The following STK32B variants were observed in gnomAD, a reference collection of about 807,000 sequenced individuals.
STK32B encodes the protein serine/threonine-protein kinase 32B.
Under a neutral mutation model 52.6 loss-of-function variants are expected in STK32B, and 43 were observed. The observed-to-expected ratio is 0.82, with a 90% CI of 0.64 to 1.05. The LOEUF is 1.05. Among genes scored for constraint, STK32B ranks in the 50% least tolerant of loss-of-function variants. The pLI, the probability that STK32B is intolerant of heterozygous loss-of-function variation, is 0.00. For synonymous variants in STK32B, 238 were observed against 204.3 expected (o/e 1.17, Z -1.41); for missense variants, 621 against 534.6 (o/e 1.16, Z -1.59).
intron 3 of STK32B, among the ~76,000 whole-genome samples, chr4:5,317,263 T>G (rs1207283395): frequency 3.9e-5 from 1 of 25,588 alleles, no homozygotes; most frequent in East Asian, 1.4e-3. Flanking sequence ...ACATATAACA[T>G]ATATATAATA....
chr4:5,051,930 G>A lies in STK32B; in HGVS notation c.52+15G>A. On this transcript the variant is annotated intron_variant, in intron 1 of 11. Transcript: ENST00000282908. Reference sequence around the variant, plus strand: ...GAATGAGGAAGGTAAGAGAGCGAGAGGTGCGAATTCCCGCTTCGCGGGGCA... The same window carrying A: ...GAATGAGGAAGGTAAGAGAGCGAGAAGTGCGAATTCCCGCTTCGCGGGGCA... 2 of 1,585,788 alleles carry A rather than the reference G, an allele frequency of 1.3e-6. No homozygotes were observed. The highest frequency in any genetic ancestry group is 1.7e-6 in the Non-Finnish European group (2 of 1,166,682).
intron 11 of STK32B, among the ~76,000 whole-genome samples, chr4:5,486,329 T>C (rs1387821131): frequency 6.6e-6 from 1 of 152,144 alleles, no homozygotes; most frequent in Non-Finnish European, 1.5e-5. Context: ...TGCAGTTTGA[T>C]TTCAGACTGC....
chr4:5,222,444 C>T (rs1723598639), intron 3 of STK32B, among the ~76,000 whole-genome samples: 1 of 152,112 alleles, frequency 6.6e-6, no homozygotes. Flanking sequence ...ATAGTGATTA[C>T]TAAGTGGTCA....
intron 1 of STK32B, among the ~76,000 whole-genome samples, chr4:5,052,297 G>T (rs1456320510): frequency 6.6e-6 from 1 of 152,126 alleles, no homozygotes; most frequent in South Asian, 2.1e-4. Flanking sequence ...TGACGGAGGT[G>T]GCCTGGAAGG....
intron 3 of STK32B, among the ~76,000 whole-genome samples, chr4:5,199,072 G>C (rs1671610938): frequency 6.6e-6 from 1 of 152,196 alleles, no homozygotes; most frequent in Non-Finnish European, 1.5e-5. Flanking sequence ...GGTTTTGCAT[G>C]TGGAGGTTAA....
chr4:5,206,937 C>T (rs1013568983), intron 3 of STK32B, among the ~76,000 whole-genome samples: 1 of 152,320 alleles, frequency 6.6e-6, no homozygotes, highest in African/African-American at 2.4e-5. Context: ...CCAGACTCAT[C>T]CTGTTCTTGA....
At chr4:5,492,216 G>C (rs1399021318) in intron 11 of STK32B, among the ~76,000 whole-genome samples, 5 of 152,286 alleles carry the variant, frequency 3.3e-5, no homozygotes, top group South Asian at 4.1e-4. Flanking sequence ...CATGAGCATG[G>C]AATGTTCTTC....
intron 3 of STK32B, among the ~76,000 whole-genome samples, chr4:5,218,887 C>T (rs1021914533): frequency 4.6e-5 from 7 of 152,196 alleles, no homozygotes; most frequent in Admixed American, 4.6e-4. Flanking sequence ...ACCGCCTGCT[C>T]CCCTTTGACT....
rs186396557 is a variant in STK32B, at chr4:5,421,342, G to A, written c.562+4408G>A. Among the ~76,000 whole-genome samples, 826 of 148,482 alleles carry A rather than the reference G, an allele frequency of 5.6e-3. 3 individuals carry two copies. The highest frequency in any genetic ancestry group is 0.011 in the Middle Eastern group (3 of 270). On this transcript the variant is annotated intron_variant, in intron 6 of 11. Transcript: ENST00000282908. ...CCTGACCTCGTGATCCACCAGCCTC[G>A]GCCTCCCAAAGTGCTGGGATTACAG... is the stretch of plus-strand genomic sequence containing the variant.
chr4:5,049,535 G>T (rs1025677866), upstream of STK32B, among the ~76,000 whole-genome samples: 11 of 152,166 alleles, frequency 7.2e-5, no homozygotes, highest in Non-Finnish European at 1.5e-4. Context: ...GGGTTCTCTG[G>T]GAGGCAGGGG....
At chr4:5,056,886 A>G (rs1320201813) in intron 1 of STK32B, among the ~76,000 whole-genome samples, 1 of 152,212 alleles carries the variant, frequency 6.6e-6, no homozygotes, top group Non-Finnish European at 1.5e-5. Context: ...AAAAAGGGCA[A>G]GTGGACGCTG....
At chr4:5,340,387 T>A (rs547483968) in intron 4 of STK32B, among the ~76,000 whole-genome samples, 7 of 152,286 alleles carry the variant, frequency 4.6e-5, no homozygotes, top group African/African-American at 1.4e-4. Flanking sequence ...TAATTAGGAA[T>A]TAGAACTAGG....
At chr4:5,438,223 C>T in intron 6 of STK32B, 1 of 817,036 alleles carries the variant, frequency 1.2e-6, no homozygotes, top group Non-Finnish European at 1.5e-6. Context: ...CAGGCACACA[C>T]TCTGGTGCAG....
intron 4 of STK32B, among the ~76,000 whole-genome samples, chr4:5,377,581 C>T (rs565735662): frequency 6.6e-6 from 1 of 152,280 alleles, no homozygotes; most frequent in South Asian, 2.1e-4. Flanking sequence ...CTCTATGTCC[C>T]GACCCCAATC....
chr4:5,476,978 G>A lies in STK32B; in HGVS notation c.1106+8908G>A, dbSNP rs374277514. On this transcript the variant is annotated intron_variant, in intron 11 of 11. Coordinates refer to ENST00000282908, the MANE Select transcript of STK32B (RefSeq NM_018401.3). ...CTTCCCCCTGCAACCCTCTAAGGAA[G>A]TGTGGCCCAGCCAACACCTTGATTT... Among the ~76,000 whole-genome samples, 257 of 152,146 alleles carry A rather than the reference G, an allele frequency of 1.7e-3. 1 individual carries two copies. Among genetic ancestry groups the A allele is most frequent in the African/African-American group, 5.9e-3 (244 of 41,494 alleles).
Position 5,319,295 on chromosome 4 carries a change from G to T in STK32B, c.261-11925G>T, listed in dbSNP as rs186240763. On this transcript the variant is annotated intron_variant, in intron 3 of 11. Transcript: ENST00000282908. ...GAGCCTGTACACTTCAAAAGGGTTTGTGTGCTCTCCTGAATAGGGCTCATC... is the reference window on the plus strand; with the variant it reads ...GAGCCTGTACACTTCAAAAGGGTTTTTGTGCTCTCCTGAATAGGGCTCATC... 2.0e-3 allele frequency among the ~76,000 whole-genome samples: 304 copies of T among 152,278 alleles called. 3 individuals are homozygous for T. Among genetic ancestry groups the T allele is most frequent in the African/African-American group, 7.0e-3 (292 of 41,546 alleles).
rs140029855 is a variant in STK32B, at chr4:5,081,609, A to G, written c.52+29694A>G. ...TTTCTCCTCTGAATGGATAATTTCA[A>G]AAGACCTTTCATCTAGCTCAAAGAT... On this transcript the variant is annotated intron_variant, in intron 1 of 11. Coordinates refer to ENST00000282908, the MANE Select transcript of STK32B (RefSeq NM_018401.3). 1.2e-3 allele frequency among the ~76,000 whole-genome samples: 180 copies of G among 152,148 alleles called. 3 individuals are homozygous for G. Among genetic ancestry groups the G allele is most frequent in the African/African-American group, 4.0e-3 (167 of 41,538 alleles).
At chr4:5,071,102 G>A (rs1711743331) in intron 1 of STK32B, among the ~76,000 whole-genome samples, 1 of 152,158 alleles carries the variant, frequency 6.6e-6, no homozygotes, top group Non-Finnish European at 1.5e-5. Context: ...CCTGAAGCTG[G>A]CTCTATTAGT....
intron 7 of STK32B, among the ~76,000 whole-genome samples, chr4:5,456,589 C>T (rs1716539787): frequency 6.6e-6 from 1 of 152,208 alleles, no homozygotes; most frequent in African/African-American, 2.4e-5. Context: ...GCTGTGGCCA[C>T]AGCAGCAGCA....
Sources: gnomAD v4.1 joint callset for allele counts (sites outside exome capture counted in the v4.1 genomes callset) on GRCh38, gnomAD v4.1.1 for gene constraint, MANE v1.5 for transcripts, NCBI Gene and HGNC (gene_info 2026-07-23, HGNC 2026-07-21) for gene names.